The following ADAMTSL1 variants were observed in gnomAD, a reference collection of about 807,000 sequenced individuals.
The protein encoded by ADAMTSL1 is ADAMTS like 1.
In ADAMTSL1, 126 loss-of-function variants were observed where a neutral mutation model predicts 201.8. That is an observed-to-expected ratio of 0.62 (90% confidence interval 0.54 to 0.72). ADAMTSL1 has a LOEUF of 0.72. ADAMTSL1 is among the 30% of genes least tolerant of loss of function. The probability of loss-of-function intolerance (pLI) is 0.00; values close to 1 mark genes in which losing one functional copy is unlikely to be tolerated. For missense variants in ADAMTSL1, 2,679 were observed against 2,277.8 expected (o/e 1.18, Z -3.59); for synonymous variants, 1,121 against 903.4 (o/e 1.24, Z -4.32).
intron 7 of ADAMTSL1, among the ~76,000 whole-genome samples, chr9:18,648,864 T>G (rs913477594): frequency 2.6e-5 from 4 of 152,138 alleles, no homozygotes; most frequent in Non-Finnish European, 4.4e-5. Context: ...CAATTATGTG[T>G]CTTGGAGTTG....
chr9:18,489,644 C>T (rs535667944), intron 1 of ADAMTSL1, among the ~76,000 whole-genome samples: 1 of 152,318 alleles, frequency 6.6e-6, no homozygotes, highest in South Asian at 2.1e-4. Flanking sequence ...ATTCAGTCTT[C>T]CACACAGACT....
chr9:18,753,058 G>C (rs1304635037), intron 15 of ADAMTSL1, among the ~76,000 whole-genome samples: 2 of 152,142 alleles, frequency 1.3e-5, no homozygotes, highest in African/African-American at 4.8e-5. Context: ...ACCATTATTG[G>C]TGATTTTGTG....
rs185956856 is a variant in ADAMTSL1 at position 18,104,702 on chromosome 9, C to T, written c.88-59160C>T. ...AGACTTCACCACTATGCAGCATATC[C>T]TTGTAACAAAACTGCATTTGTACCC... On this transcript the variant is annotated intron_variant, in intron 1 of 29. Transcript: ENST00000680146. Among the ~76,000 whole-genome samples, 82 of 152,286 alleles carry T rather than the reference C, an allele frequency of 5.4e-4. No homozygotes were observed. The East Asian group carries it at 0.013, about 23-fold the overall frequency.
chr9:17,943,790 A>T (rs1005824853), intron 1 of ADAMTSL1, among the ~76,000 whole-genome samples: 1 of 152,128 alleles, frequency 6.6e-6, no homozygotes, highest in African/African-American at 2.4e-5. Context: ...TTATAAAAAA[A>T]GAGGTTTAAT....
intron 2 of ADAMTSL1, among the ~76,000 whole-genome samples, chr9:18,259,493 CA>C (rs1430566961): frequency 3.4e-5 from 5 of 146,434 alleles, no homozygotes; most frequent in Admixed American, 3.4e-4. Context: ...GCCTGTATGA[CA>C]GAATAACTCT....
chr9:18,675,287 T>TC (rs1193871923), intron 9 of ADAMTSL1, among the ~76,000 whole-genome samples: 1 of 152,156 alleles, frequency 6.6e-6, no homozygotes, highest in Non-Finnish European at 1.5e-5. Context: ...TTCAGTAGTT[T>TC]CCCCCTCCCC....
chr9:18,260,568 C>G (rs187934768), intron 2 of ADAMTSL1, among the ~76,000 whole-genome samples: 3 of 152,228 alleles, frequency 2.0e-5, no homozygotes, highest in Admixed American at 6.5e-5. Context: ...CCATCCCAAC[C>G]TGAGGAGAAA....
intron 5 of ADAMTSL1, among the ~76,000 whole-genome samples, chr9:18,626,040 C>G (rs369495672): frequency 6.6e-5 from 10 of 152,266 alleles, no homozygotes; most frequent in African/African-American, 2.4e-4. Context: ...GTACAAAATA[C>G]ATATGGATTT....
chr9:18,021,550 A>G (rs1300532133), intron 1 of ADAMTSL1, among the ~76,000 whole-genome samples: 4 of 152,088 alleles, frequency 2.6e-5, no homozygotes, highest in Admixed American at 2.6e-4. Flanking sequence ...AAAACAAGCG[A>G]TTGTGTCGTG....
intron 23 of ADAMTSL1, among the ~76,000 whole-genome samples, chr9:18,832,117 A>G (rs1825022666): frequency 1.3e-5 from 2 of 152,230 alleles, no homozygotes; most frequent in Admixed American, 6.5e-5. Flanking sequence ...AAACTAGGCC[A>G]TCAAAACGAA....
At chr9:18,367,011 C>T (rs955694783) in intron 2 of ADAMTSL1, among the ~76,000 whole-genome samples, 1 of 152,046 alleles carries the variant, frequency 6.6e-6, no homozygotes, top group Non-Finnish European at 1.5e-5. Flanking sequence ...AATTCATTTC[C>T]CCTCCCCTGA....
intron 1 of ADAMTSL1, among the ~76,000 whole-genome samples, chr9:18,131,482 G>C (rs965944422): frequency 6.6e-6 from 1 of 152,164 alleles, no homozygotes; most frequent in Non-Finnish European, 1.5e-5. Flanking sequence ...AGTCTCGTAT[G>C]ATGAGGGCAT....
At chr9:18,406,309 CTT>C (rs1818197107) in intron 2 of ADAMTSL1, among the ~76,000 whole-genome samples, 1 of 116,666 alleles carries the variant, frequency 8.6e-6, no homozygotes, top group Admixed American at 8.6e-5. Flanking sequence ...CTTTTCTTTT[CTT>C]TTCTTTTCTT....
At chr9:18,080,351 G>T (rs1200509794) in intron 1 of ADAMTSL1, among the ~76,000 whole-genome samples, 1 of 152,178 alleles carries the variant, frequency 6.6e-6, no homozygotes, top group Non-Finnish European at 1.5e-5. Flanking sequence ...TGGTACAGAA[G>T]TGGAAAGGGT....
At chr9:18,394,306 G>A (rs1177094102) in intron 2 of ADAMTSL1, among the ~76,000 whole-genome samples, 8 of 152,184 alleles carry the variant, frequency 5.3e-5, no homozygotes, top group Admixed American at 5.2e-4. Context: ...TGCTTTAAAA[G>A]GAGGTTAGAT....
chr9:18,735,777 G>T (rs1180440525), intron 15 of ADAMTSL1, among the ~76,000 whole-genome samples: 1 of 131,970 alleles, frequency 7.6e-6, no homozygotes, highest in Non-Finnish European at 1.6e-5. Flanking sequence ...TTGAGACAAG[G>T]TCTTGCTCTG....
At chr9:18,291,516 C>CT (rs1450956007) in intron 2 of ADAMTSL1, among the ~76,000 whole-genome samples, 1 of 152,132 alleles carries the variant, frequency 6.6e-6, no homozygotes. Flanking sequence ...GAAACACCTA[C>CT]TTTAGCCCCA....
intron 4 of ADAMTSL1, among the ~76,000 whole-genome samples, chr9:18,599,078 A>G (rs1278351006): frequency 1.3e-5 from 2 of 152,154 alleles, no homozygotes; most frequent in African/African-American, 4.8e-5. Context: ...AAATCTCAGT[A>G]TTAGGGTTGA....
chr9:18,778,885 C>T (rs1037344805), intron 19 of ADAMTSL1, among the ~76,000 whole-genome samples: 1 of 152,190 alleles, frequency 6.6e-6, no homozygotes, highest in African/African-American at 2.4e-5. Context: ...AATCATAGTC[C>T]TCTAGTCTAG....
Sources: allele counts gnomAD v4.1 joint callset (sites outside exome capture counted in the v4.1 genomes callset), GRCh38; gene constraint gnomAD v4.1.1; transcripts MANE v1.5; gene names NCBI Gene and HGNC (gene_info 2026-07-23, HGNC 2026-07-21).